STOX2: variants seen among roughly 807,000 people sequenced by gnomAD.
STOX2 encodes the protein storkhead-box protein 2.
Under a neutral mutation model 60.9 loss-of-function variants are expected in STOX2, and 28 were observed. The ratio of observed to expected loss-of-function variants is 0.46; its 90% CI spans 0.34 to 0.63. The LOEUF (loss-of-function observed/expected upper bound fraction) is 0.63. STOX2 is among the 30% of genes least tolerant of loss of function. The pLI, the probability that STOX2 is intolerant of heterozygous loss-of-function variation, is 0.01. For missense variants in STOX2, 1,024 were observed against 1,187.7 expected (o/e 0.86, Z 2.03); for synonymous variants, 472 against 463.9 (o/e 1.02, Z -0.22).
At chr4:183,889,535 C>T (rs553515246) in intron 1 of STOX2, among the ~76,000 whole-genome samples, 1 of 152,332 alleles carries the variant, frequency 6.6e-6, no homozygotes, top group Admixed American at 6.5e-5. Flanking sequence ...TTACAGCAGC[C>T]CTTGCAAACC....
At chr4:183,925,728 A>G (rs1334968796) in intron 1 of STOX2, among the ~76,000 whole-genome samples, 4 of 152,324 alleles carry the variant, frequency 2.6e-5, no homozygotes, top group Admixed American at 2.6e-4. Context: ...GACCTGTCTA[A>G]ATAAGTAAAA....
At chr4:183,919,751 G>T (rs1012576265) in intron 1 of STOX2, among the ~76,000 whole-genome samples, 1 of 151,936 alleles carries the variant, frequency 6.6e-6, no homozygotes, top group African/African-American at 2.4e-5. Context: ...GATTAGAGTT[G>T]TGTACCACCA....
chr4:183,863,941 C>A (rs1009924350), intron 1 of STOX2, among the ~76,000 whole-genome samples: 1 of 152,168 alleles, frequency 6.6e-6, no homozygotes, highest in Non-Finnish European at 1.5e-5. Flanking sequence ...GACTTTAATT[C>A]GAAACAGAAT....
At chr4:183,961,297 T>A (rs918018055) in intron 1 of STOX2, among the ~76,000 whole-genome samples, 2 of 152,164 alleles carry the variant, frequency 1.3e-5, no homozygotes, top group African/African-American at 4.8e-5. Context: ...TTCATAAAAA[T>A]TTATAAGCCT....
chr4:183,981,837 G>A (rs1266289062), intron 1 of STOX2, among the ~76,000 whole-genome samples: 3 of 152,224 alleles, frequency 2.0e-5, no homozygotes, highest in Non-Finnish European at 4.4e-5. Context: ...TTGGGAGGCC[G>A]AGGCAGGGGA....
At chr4:183,946,951 G>A (rs13141330) in intron 1 of STOX2, among the ~76,000 whole-genome samples, 114,024 of 152,004 alleles carry the variant, frequency 0.75, 45,745 homozygotes, top group Middle Eastern at 0.91. Flanking sequence ...TAGTATTTAC[G>A]TTGTATTATG....
chr4:183,962,894 T>C (rs528875816), intron 1 of STOX2, among the ~76,000 whole-genome samples: 3 of 152,272 alleles, frequency 2.0e-5, no homozygotes, highest in South Asian at 2.1e-4. Flanking sequence ...CAAACAAATA[T>C]CAAGCTCACT....
chr4:183,989,931 A>G (rs1351138119), intron 1 of STOX2, among the ~76,000 whole-genome samples: 2 of 152,176 alleles, frequency 1.3e-5, no homozygotes, highest in African/African-American at 4.8e-5. Context: ...CCCGTATGTA[A>G]TAGGTAAGAA....
rs1734091383 is a variant in STOX2, at chr4:184,010,366, G to A, written c.1528G>A (p.Glu510Lys). The A allele has an allele frequency of 6.2e-7, 1 of 1,612,582 alleles. No homozygotes were observed. Among genetic ancestry groups the A allele is most frequent in the Non-Finnish European group, 8.5e-7 (1 of 1,179,306 alleles). The part of the protein sequence containing the change: ...PLGASSLGTP[E>K]DLAEGCSQDD... The stretch of plus-strand genomic sequence containing the variant: ...GGGTGCTTCTTCTCTAGGGACGCCG[G>A]AAGACCTTGCTGAAGGCTGCAGCCA... Residue 510 changes from glutamate to lysine, a missense_variant, in exon 3 of 4, where the codon GAA becomes AAA. Transcript: ENST00000308497. The surrounding 1 kb of genome is among the most constrained non-coding windows in gnomAD (Gnocchi z 4.5).
At chr4:183,933,425 GT>G (rs1742495428) in intron 1 of STOX2, among the ~76,000 whole-genome samples, 1 of 151,806 alleles carries the variant, frequency 6.6e-6, no homozygotes, top group Admixed American at 6.6e-5. Context: ...TTTCACTCTT[GT>G]CGCCCTGGCT....
chr4:183,999,108 AG>A (rs574798209), intron 1 of STOX2, among the ~76,000 whole-genome samples: 7 of 152,208 alleles, frequency 4.6e-5, no homozygotes, highest in African/African-American at 1.7e-4. Flanking sequence ...CTTTTTTTGT[AG>A]GAAAAAAAAG....
In STOX2 at chr4:183,906,754, G is replaced by A. The variant is rs1741625666; in HGVS notation, c.-37G>A. ...GAGCGCGCTGCGCCCCGGCGCTGAG[G>A]CCCCGAGGATCGGGGCGGCAGGTCG... On this transcript the variant is annotated 5_prime_UTR_variant, in exon 1 of 4. Coordinates refer to ENST00000308497, the MANE Select transcript of STOX2 (RefSeq NM_020225.3). 2 of 1,486,264 alleles carry A rather than the reference G, an allele frequency of 1.3e-6. No individual in the cohort carries two copies. The highest frequency in any genetic ancestry group is 1.4e-5 in the African/African-American group (1 of 70,542). The allele number at this position is 1,486,264 out of a possible 1,614,324, so 92.1% of individuals were successfully genotyped here.
rs1201679820 is a variant in STOX2, at chr4:183,836,276, G to T, written c.364+38221G>T. Among the ~76,000 whole-genome samples, 5 of 152,160 alleles carry T rather than the reference G, an allele frequency of 3.3e-5. No homozygotes were observed. Among genetic ancestry groups the T allele is most frequent in the Admixed American group, 6.5e-5 (1 of 15,282 alleles). On this transcript the variant is annotated intron_variant, in intron 1 of 2. Coordinates refer to the STOX2 transcript ENST00000513034. The surrounding 1 kb of genome is among the most constrained non-coding windows in gnomAD (Gnocchi z 4.1). The stretch of plus-strand genomic sequence containing the variant: ...TGTGGAGATTGCTTTATCCTCTGAG[G>T]TTGCACCGCAGATCCTCTTCTGCAA...
At position 184,011,095 on chromosome 4, in the gene STOX2, G is replaced by GCCATGCCT; in HGVS notation, c.2258_2265dup (p.Ala756ProfsTer47). ...GTCCCTGGGGACCTCGGCGGCACAA[G>GCCATGCCT]CCATGCCTGCTTCCCAGCGTCAGCA... On this transcript the variant is annotated frameshift_variant, in exon 3 of 4. Transcript: ENST00000308497. LOFTEE classifies it high-confidence loss of function. This position sits in a 1 kb window ranked among gnomAD's most constrained non-coding sequence, Gnocchi z 4.4. 6.3e-7 allele frequency: 1 copy of GCCATGCCT among 1,595,294 alleles called. No homozygotes were observed. The highest frequency in any genetic ancestry group is 8.5e-7 in the Non-Finnish European group (1 of 1,171,816).
At chr4:183,993,941 T>A (rs113283216) in intron 1 of STOX2, among the ~76,000 whole-genome samples, 2 of 152,188 alleles carry the variant, frequency 1.3e-5, no homozygotes, top group Non-Finnish European at 2.9e-5. Flanking sequence ...GTATGTGGGT[T>A]TTTTTAGAAC....
intron 1 of STOX2, among the ~76,000 whole-genome samples, chr4:183,923,363 C>G (rs1742154893): frequency 1.3e-5 from 2 of 152,166 alleles, no homozygotes; most frequent in Admixed American, 1.3e-4. Context: ...TTATGAAGTA[C>G]ACTCATAGCT....
intron 1 of STOX2, among the ~76,000 whole-genome samples, chr4:183,932,582 C>T (rs1030993014): frequency 2.6e-5 from 4 of 151,844 alleles, no homozygotes; most frequent in Admixed American, 2.6e-4. Context: ...CTGTGTTAAC[C>T]TCAACATCAG....
In STOX2 at chr4:183,856,232, G is replaced by A. The variant is rs987277785; in HGVS notation, c.364+58177G>A. ...GACCCAAGAGTCCAGAAAGGCTCACGGCCCCTTTCACACATGTCGACATTA... is the reference window on the plus strand; with the variant it reads ...GACCCAAGAGTCCAGAAAGGCTCACAGCCCCTTTCACACATGTCGACATTA... On this transcript the variant is annotated intron_variant, in intron 1 of 2. Transcript: ENST00000513034. This position sits in a 1 kb window ranked among gnomAD's most constrained non-coding sequence, Gnocchi z 4.0. Among the ~76,000 whole-genome samples the A allele has an allele frequency of 6.6e-6, 1 of 151,950 alleles. No individual in the cohort carries two copies. The highest frequency in any genetic ancestry group is 2.4e-5 in the African/African-American group (1 of 41,338).
At chr4:183,903,426 T>G (rs1741506841), upstream of STOX2, among the ~76,000 whole-genome samples, 1 of 152,220 alleles carries the variant, frequency 6.6e-6, no homozygotes, top group Admixed American at 6.5e-5. Context: ...CTGTCATTTC[T>G]TAGAGAGATT....
Sources: gnomAD v4.1 joint callset for allele counts (sites outside exome capture counted in the v4.1 genomes callset) on GRCh38, gnomAD v4.1.1 for gene constraint, Gnocchi (gnomAD v3.1) non-coding constraint, MANE v1.5 for transcripts, NCBI Gene and HGNC (gene_info 2026-07-23, HGNC 2026-07-21) for gene names.